The following WARS1 variants were observed in gnomAD, a reference collection of about 807,000 sequenced individuals.
The protein encoded by WARS1 is tryptophanyl-tRNA synthetase 1.
Under a neutral mutation model 47.8 loss-of-function variants are expected in WARS1, and 17 were observed. The ratio of observed to expected loss-of-function variants is 0.36; its 90% CI spans 0.24 to 0.53. The LOEUF is 0.53. Among genes scored for constraint, WARS1 ranks in the 20% least tolerant of loss-of-function variants. The pLI, the probability that WARS1 is intolerant of heterozygous loss-of-function variation, is 0.91. For synonymous variants in WARS1, 208 were observed against 228.1 expected, an observed-to-expected ratio of 0.91 and a Z score of 0.79; for missense variants, 434 against 608.0, an observed-to-expected ratio of 0.71 and a Z score of 3.01.
In WARS1 at chr14:100,347,975, C is replaced by T. The variant is rs1221346145; in HGVS notation, c.726-1129G>A. Among the ~76,000 whole-genome samples, 2 of 152,236 alleles carry T rather than the reference C, an allele frequency of 1.3e-5. 1 individual carries two copies. The highest frequency in any genetic ancestry group is 2.9e-5 in the Non-Finnish European group (2 of 68,044). On this transcript the variant is annotated intron_variant, in intron 6 of 10. Coordinates refer to ENST00000392882, the MANE Select transcript of WARS1 (RefSeq NM_004184.4). ...ACACTACGAGGGAAAAGGGGGAAGG[C>T]TGGTGTCTTTTAAGTGTTTGCACCA...
intron 9 of WARS1, among the ~76,000 whole-genome samples, chr14:100,341,339 G>T (rs1326461466): frequency 6.6e-6 from 1 of 152,234 alleles, no homozygotes; most frequent in Non-Finnish European, 1.5e-5. Flanking sequence ...GAAAGGGAAA[G>T]AAAAGTCTTC....
intron 9 of WARS1, among the ~76,000 whole-genome samples, chr14:100,339,637 C>T (rs966177219): frequency 7.3e-6 from 1 of 136,542 alleles, no homozygotes; most frequent in Non-Finnish European, 1.6e-5. Context: ...GAATGAAAAA[C>T]TATGGAAAAT....
chr14:100,375,839 T>G (rs1253833655), upstream of WARS1: 1 of 152,276 alleles, frequency 6.6e-6, no homozygotes, highest in Non-Finnish European at 1.5e-5. Context: ...ATTCGAAACC[T>G]TGGGCAAGGG....
intron 9 of WARS1, chr14:100,340,559 T>C (rs888036262): frequency 5.3e-5 from 8 of 152,150 alleles, no homozygotes; most frequent in Non-Finnish European, 1.2e-4. Context: ...ACAGGCACAA[T>C]AGTAGCTCAC....
intron 2 of WARS1, chr14:100,365,548 C>G (rs1376192136): frequency 5.3e-6 from 1 of 188,878 alleles, no homozygotes; most frequent in Non-Finnish European, 1.1e-5. Flanking sequence ...CCAGTGCACT[C>G]CAGCCTGGGC....
chr14:100,366,795 T>C (rs1176870517), intron 2 of WARS1: 2 of 1,347,662 alleles, frequency 1.5e-6, no homozygotes, highest in Non-Finnish European at 2.1e-6. Context: ...ATGGGTGGCT[T>C]TGCAAAGAGT....
intron 9 of WARS1, chr14:100,341,968 T>G: frequency 7.4e-6 from 2 of 271,184 alleles, no homozygotes; most frequent in Non-Finnish European, 1.5e-5. Context: ...CACCTCCCAG[T>G]GAGAATGAAA....
At chr14:100,341,874 G>C (rs1416422752) in intron 9 of WARS1, among the ~76,000 whole-genome samples, 3 of 152,180 alleles carry the variant, frequency 2.0e-5, no homozygotes, top group Non-Finnish European at 4.4e-5. Flanking sequence ...GAGCAGTGCT[G>C]CTGATTCCTG....
At chr14:100,342,253 A>C in intron 9 of WARS1, 145 bp downstream of exon 9, 1 of 1,145,180 alleles carries the variant, frequency 8.7e-7, no homozygotes, top group Non-Finnish European at 1.3e-6. Context: ...TGCAGGGAGC[A>C]AAGTTGGCAA....
rs553759384 is a variant in WARS1, at chr14:100,374,230, G to C, written c.-74+1053C>G. The C allele has an allele frequency of 9.8e-5, 15 of 152,310 alleles. No homozygotes were observed. The South Asian group carries it at 2.1e-3, about 21-fold the overall frequency. 9.4% of individuals were successfully genotyped at this position (152,310 alleles called of 1,614,324 possible). On this transcript the variant is annotated intron_variant, in intron 1 of 10. Transcript: ENST00000392882. ...AAATAGGACATTGAGACTTTGTTAA[G>C]AGAAGTAGATTCACCTGTTTAACAA...
rs57891102 is a variant in WARS1, at chr14:100,356,398, T to TGG, written c.423-1834_423-1833dup. 4.1e-3 allele frequency among the ~76,000 whole-genome samples: 432 copies of TGG among 106,306 alleles called. 9 individuals carry two copies. In the East Asian group the frequency reaches 0.044, roughly 11 times the overall value. 69.7% of individuals were successfully genotyped at this position (106,306 alleles called of 152,430 possible). The stretch of plus-strand genomic sequence containing the variant: ...AAGTGACTGGGTGTGTGTGTGTGTG[T>TGG]GGGGGGGGGTGTGGAATAAAAGAGA... On this transcript the variant is annotated intron_variant, in intron 4 of 10. Coordinates refer to ENST00000392882, the MANE Select transcript of WARS1 (RefSeq NM_004184.4).
chr14:100,346,022 G>A (rs903871492), intron 7 of WARS1, among the ~76,000 whole-genome samples: 2 of 152,254 alleles, frequency 1.3e-5, no homozygotes, highest in Non-Finnish European at 2.9e-5. Flanking sequence ...TCGGCTGGCA[G>A]CTGACTGAAG....
chr14:100,348,814 G>A (rs570199393), intron 6 of WARS1, among the ~76,000 whole-genome samples: 20 of 152,314 alleles, frequency 1.3e-4, no homozygotes, highest in Admixed American at 3.9e-4. Context: ...GCTTCACGGC[G>A]TCTGACTGGT....
intron 7 of WARS1, among the ~76,000 whole-genome samples, chr14:100,344,217 C>A (rs902976432): frequency 8.5e-5 from 13 of 152,064 alleles, no homozygotes; most frequent in Non-Finnish European, 1.8e-4. Flanking sequence ...CGAGTGCCTG[C>A]AATTGCAGGC....
Position 100,342,441 on chromosome 14 carries a change from G to C in WARS1, c.1070C>G (p.Ser357Cys), listed in dbSNP as rs1232436815. 1.2e-6 allele frequency: 2 copies of C among 1,614,124 alleles called. No homozygotes were observed. Among genetic ancestry groups the C allele is most frequent in the Non-Finnish European group, 1.7e-6 (2 of 1,180,008 alleles). The part of the protein sequence containing the change: ...QTKMSASDPN[S>C]SIFLTDTAKQ... ...GGCCGTGTCGGTGAGGAAGATGGAGGAGTTGGGGTCGCTGGCACTCATTTT... is the reference window on the plus strand; with the variant it reads ...GGCCGTGTCGGTGAGGAAGATGGAGCAGTTGGGGTCGCTGGCACTCATTTT... Residue 357 changes from serine to cysteine, a missense_variant, in exon 9 of 11, where the codon TCC becomes TGC. Ser to Cys is a moderately radical substitution (Grantham distance 112, BLOSUM62 -1). This residue lies in a region of WARS1 where 347 missense variants were observed against 523.8 expected (regional missense o/e 0.66). Transcript: ENST00000392882.
At chr14:100,362,427 G>A (rs1002033423) in intron 2 of WARS1, among the ~76,000 whole-genome samples, 1 of 151,680 alleles carries the variant, frequency 6.6e-6, no homozygotes, top group African/African-American at 2.4e-5. Context: ...AACTAAAACA[G>A]ATAAAAGCAA....
upstream of WARS1, chr14:100,376,047 A>C: frequency 6.5e-6 from 1 of 154,728 alleles, no homozygotes; most frequent in Non-Finnish European, 1.4e-5. Context: ...GCCAGTGGGA[A>C]AGGGAGACGG....
At chr14:100,366,997 T>A in intron 2 of WARS1, 1 of 1,149,014 alleles carries the variant, frequency 8.7e-7, no homozygotes, top group African/African-American at 1.6e-5. Context: ...CCTACTCGTC[T>A]GGTTTGTCCC....
intron 4 of WARS1, among the ~76,000 whole-genome samples, chr14:100,355,744 C>A (rs1394763648): frequency 6.6e-6 from 1 of 152,164 alleles, no homozygotes; most frequent in Non-Finnish European, 1.5e-5. Flanking sequence ...TTGCTTATCT[C>A]TGGACAGATA....
Sources: gnomAD v4.1 joint callset for allele counts (sites outside exome capture counted in the v4.1 genomes callset) on GRCh38, gnomAD v4.1.1 for gene constraint, gnomAD v4.1.1 regional missense constraint, MANE v1.5 for transcripts, NCBI Gene and HGNC (gene_info 2026-07-23, HGNC 2026-07-21) for gene names.